SPTBN5: variants seen among roughly 807,000 people sequenced by gnomAD.
SPTBN5 encodes spectrin beta, non-erythrocytic 5.
SPTBN5 carries 513 observed loss-of-function variants against 477.6 expected under a neutral mutation model. The observed-to-expected ratio is 1.07, with a 90% CI of 1.00 to 1.16. SPTBN5 has a LOEUF of 1.16. Ranked by LOEUF, SPTBN5 falls within the 50% of genes most tolerant of loss-of-function variation. The pLI, the probability that SPTBN5 is intolerant of heterozygous loss-of-function variation, is 0.00. For missense variants in SPTBN5, 5,062 were observed against 4,731.8 expected (o/e 1.07, Z -2.05); for synonymous variants, 2,169 against 2,011.7 (o/e 1.08, Z -2.09).
At chr15:41,854,704 C>T (rs1029059265) in intron 56 of SPTBN5, 78 bp downstream of exon 56, 3 of 1,285,328 alleles carry the variant, frequency 2.3e-6, no homozygotes, top group Admixed American at 5.3e-5. Flanking sequence ...GGAACCAAAG[C>T]CTGTGGTAAG....
chr15:41,853,743 C>T lies in SPTBN5; in HGVS notation c.9819G>A (p.Thr3273=), dbSNP rs771329698. 1.4e-5 allele frequency: 22 copies of T among 1,580,430 alleles called. No homozygotes were observed. The highest frequency in any genetic ancestry group is 1.7e-5 in the Non-Finnish European group (20 of 1,163,638). Residue 3273 remains threonine (T), a synonymous_variant, in exon 58 of 68, where the codon ACG becomes ACA. Transcript: ENST00000320955. ...AMEKEVARLQ[T]EACRLGQLHP... ...GTAGCTGGCCCAGTCGGCAGGCCTCCGTCTGTAGCCGTGCCACCTCCTTCT... is the reference window on the plus strand; with the variant it reads ...GTAGCTGGCCCAGTCGGCAGGCCTCTGTCTGTAGCCGTGCCACCTCCTTCT...
At chr15:41,851,672 T>C (rs1344932411) in intron 63 of SPTBN5, 107 bp downstream of exon 63, 15 of 834,618 alleles carry the variant, frequency 1.8e-5, no homozygotes, top group Non-Finnish European at 2.5e-5. Context: ...GGGTGGCATC[T>C]GCCCAAGTTC....
rs1298518570 is a variant in SPTBN5 at position 41,874,427 on chromosome 15, G to A, written c.4554C>T (p.Ala1518=). 1 of 1,613,132 alleles carries A rather than the reference G, an allele frequency of 6.2e-7. No individual in the cohort carries two copies. Residue 1518 remains alanine, a synonymous_variant, in exon 24 of 68, where the codon GCC becomes GCT. Coordinates refer to ENST00000320955, the MANE Select transcript of SPTBN5 (RefSeq NM_016642.4). ...HLAIRGLQLQ[A]SVELHQFCHL... is the part of the protein sequence containing the mutation. ...GGCAGAACTGGTGCAGCTCCACTGAGGCCTGCAGCTGCAGGCCCCGGATGG... is the reference window on the plus strand; with the variant it reads ...GGCAGAACTGGTGCAGCTCCACTGAAGCCTGCAGCTGCAGGCCCCGGATGG...
chr15:41,883,561 G>A, intron 7 of SPTBN5, 75 bp from the exon 8 acceptor site: 4 of 1,552,140 alleles, frequency 2.6e-6, no homozygotes, highest in African/African-American at 2.7e-5. Flanking sequence ...CTGGTCTGTG[G>A]TGGGGCTTGG....
intron 23 of SPTBN5, 101 bp from the exon 24 acceptor site, chr15:41,874,579 A>G: frequency 9.4e-7 from 1 of 1,060,734 alleles, no homozygotes; most frequent in Non-Finnish European, 1.3e-6. Flanking sequence ...GAACAAGACC[A>G]GGGAATAGAG....
intron 67 of SPTBN5, among the ~76,000 whole-genome samples, chr15:41,848,923 C>T (rs552035770): frequency 1.3e-5 from 2 of 152,326 alleles, no homozygotes; most frequent in East Asian, 3.9e-4. Flanking sequence ...CCTCAGGAGC[C>T]ACTGTGTCCA....
rs1335628604 is a variant in SPTBN5 at position 41,856,736 on chromosome 15, G to A, written c.8808+117C>T. 6 of 1,345,646 alleles carry A rather than the reference G, an allele frequency of 4.5e-6. No homozygotes were observed. In the East Asian group the frequency reaches 1.3e-4, roughly 28 times the overall value. 83.4% of individuals were successfully genotyped at this position (1,345,646 alleles called of 1,614,324 possible). On this transcript the variant is annotated intron_variant, in intron 52 of 67. Coordinates refer to ENST00000320955, the MANE Select transcript of SPTBN5 (RefSeq NM_016642.4). Reference sequence around the variant, plus strand: ...CCCCATGACTCCCAAAGAATCCAGGGCATCCCAAAAGCCCCCACAGGCAGA... The same window carrying A: ...CCCCATGACTCCCAAAGAATCCAGGACATCCCAAAAGCCCCCACAGGCAGA...
In SPTBN5 at chr15:41,851,147, C is replaced by A. The variant is rs1351820729; in HGVS notation, c.10747G>T (p.Val3583Leu). Reference protein sequence around the residue: ...FLDERMAAEKVASIALLDLTG... With the variant: ...FLDERMAAEKLASIALLDLTG... ...AGGTCAAGGAGGGCTATGGAAGCTA[C>A]TTTCTGAGGAGAGATGAGAGGCAGG... The change falls in exon 65 of 68, where the codon GTA becomes TTA. Residue 3583 changes from valine (V) to leucine (L), a missense_variant. By Grantham distance (32) the Val-to-Leu change is conservative. Transcript: ENST00000320955. 1 of 1,612,910 alleles carries A rather than the reference C, an allele frequency of 6.2e-7. No individual in the cohort carries two copies. Among genetic ancestry groups the A allele is most frequent in the Middle Eastern group, 1.6e-4 (1 of 6,062 alleles).
At position 41,882,403 on chromosome 15, in the gene SPTBN5, G is replaced by A; in HGVS notation, c.2113C>T (p.Leu705Phe). 1.3e-6 allele frequency: 2 copies of A among 1,539,364 alleles called. No individual in the cohort carries two copies. Among genetic ancestry groups the A allele is most frequent in the African/African-American group, 2.8e-5 (2 of 72,698 alleles). ...TGCGTTGGGGGCCTGCGGGCGCTGA[G>A]GTCGCGTCCCCTCCGCACGAGATCT... The part of the protein sequence containing the change: ...CVDLVRRGRD[L>F]SARRPPTQPD... Residue 705 changes from leucine to phenylalanine, a missense_variant, in exon 11 of 68, where the codon CTC (leucine) becomes TTC (phenylalanine). Coordinates refer to ENST00000320955, the MANE Select transcript of SPTBN5 (RefSeq NM_016642.4).
chr15:41,892,597 A>G (rs1453978545), intron 3 of SPTBN5, among the ~76,000 whole-genome samples: 1 of 152,210 alleles, frequency 6.6e-6, no homozygotes, highest in African/African-American at 2.4e-5. Context: ...AGAGAACGCT[A>G]AGATTCTTTT....
At chr15:41,878,097 G>C (rs2066808699) in intron 17 of SPTBN5, among the ~76,000 whole-genome samples, 1 of 152,186 alleles carries the variant, frequency 6.6e-6, no homozygotes, top group African/African-American at 2.4e-5. Context: ...CTGGGCTGCA[G>C]AGAGCCTCCC....
At chr15:41,880,007 T>C (rs931289448) in intron 14 of SPTBN5, 143 bp from the exon 15 acceptor site, 1 of 1,427,162 alleles carries the variant, frequency 7.0e-7, no homozygotes, top group African/African-American at 1.4e-5. Context: ...ATCCGAGTCC[T>C]TAAGGGCCAG....
chr15:41,879,819 C>A lies in SPTBN5; in HGVS notation c.2857G>T (p.Val953Phe). The A allele has an allele frequency of 6.2e-7, 1 of 1,613,972 alleles. No individual in the cohort carries two copies. Among genetic ancestry groups the A allele is most frequent in the Non-Finnish European group, 8.5e-7 (1 of 1,179,860 alleles). Residue 953 changes from valine (V) to phenylalanine (F), a missense_variant, in exon 15 of 68, where the codon GTC becomes TTC. Physicochemically the swap from Val to Phe is conservative, Grantham distance 50. Transcript: ENST00000320955. ...LAVGKGLWAEVSSSAEQLRQR... is the reference protein window; with the variant it reads ...LAVGKGLWAEFSSSAEQLRQR... ...CTCAGTTGCTCAGCAGAGCTGCTGA[C>A]CTCAGCCCAGAGGCCCTTTCCCACA...
Position 41,866,195 on chromosome 15 carries a change from C to G in SPTBN5, c.6665G>C (p.Arg2222Pro), listed in dbSNP as rs899631012. 4 of 1,583,194 alleles carry G rather than the reference C, an allele frequency of 2.5e-6. No homozygotes were observed. Among genetic ancestry groups the G allele is most frequent in the Non-Finnish European group, 3.4e-6 (4 of 1,167,022 alleles). The change falls in exon 38 of 68, where the codon CGA becomes CCA. Residue 2222 changes from arginine to proline, a missense_variant. Coordinates refer to ENST00000320955, the MANE Select transcript of SPTBN5 (RefSeq NM_016642.4). ...CAGCCGCTGGGAGACCTCTCCGGCTCGAGGGTGACTCTGTGCCAGGAGAGC... is the reference window on the plus strand; with the variant it reads ...CAGCCGCTGGGAGACCTCTCCGGCTGGAGGGTGACTCTGTGCCAGGAGAGC... ...GEALLAQSHP[R>P]AGEVSQRLQG... is the part of the protein sequence containing the mutation.
At chr15:41,857,523 G>A (rs374115992) in intron 50 of SPTBN5, 29 bp from the exon 51 acceptor site, 1 of 1,602,936 alleles carries the variant, frequency 6.2e-7, no homozygotes, top group South Asian at 1.1e-5. Context: ...TAGGCAGGAG[G>A]GGAGTGTCCT....
rs1210317789 is a variant in SPTBN5 at position 41,893,025 on chromosome 15, C to T, written c.253G>A (p.Ala85Thr). The T allele has an allele frequency of 6.2e-7, 1 of 1,611,292 alleles. No homozygotes were observed. The change falls in exon 3 of 68, where the codon GCT becomes ACT. Residue 85 changes from alanine (A) to threonine (T), a missense_variant. Physicochemically the swap from Ala to Thr is moderately conservative, Grantham distance 58. Transcript: ENST00000320955. ...AGCCGCAGGAGGTGGATGCCGTCAG[C>T]CAGCTCTGTGTACAGGTTCCGGATC... ...IKIRNLYTEL[A>T]DGIHLLRLLE...
chr15:41,863,503 G>T (rs8028958), intron 41 of SPTBN5, among the ~76,000 whole-genome samples: 5 of 152,024 alleles, frequency 3.3e-5, no homozygotes, highest in Non-Finnish European at 7.4e-5. Context: ...GCTCGCAATG[G>T]ATGCTTCTAT....
chr15:41,876,321 G>C, intron 20 of SPTBN5, 37 bp from the exon 21 acceptor site: 11 of 1,506,842 alleles, frequency 7.3e-6, no homozygotes, highest in Non-Finnish European at 8.9e-6. Flanking sequence ...CTCAGAGCAC[G>C]GTGGGTGGGG....
At chr15:41,866,296 CT>C in intron 37 of SPTBN5, 47 bp downstream of exon 37, 2 of 1,571,260 alleles carry the variant, frequency 1.3e-6, no homozygotes, top group Non-Finnish European at 1.7e-6. Flanking sequence ...GACATTGCCC[CT>C]GGGCCACACT....
Sources: gnomAD v4.1 joint callset for allele counts (sites outside exome capture counted in the v4.1 genomes callset) on GRCh38, gnomAD v4.1.1 for gene constraint, MANE v1.5 for transcripts, NCBI Gene and HGNC (gene_info 2026-07-23, HGNC 2026-07-21) for gene names.